The following RUNX1T1 variants were observed in gnomAD, a reference collection of about 807,000 sequenced individuals.
RUNX1T1 encodes the protein RUNX1 partner transcriptional co-repressor 1.
RUNX1T1 carries 4 observed loss-of-function variants against 62.8 expected under a neutral mutation model. That is an observed-to-expected ratio of 0.06 (90% confidence interval 0.03 to 0.15). RUNX1T1 has a LOEUF of 0.15. RUNX1T1 is among the 10% of genes least tolerant of loss of function. RUNX1T1 has a pLI of 1.00. For missense variants in RUNX1T1, 508 were observed against 754.3 expected (o/e 0.67, Z 3.82); for synonymous variants, 291 against 286.0 (o/e 1.02, Z -0.18).
intron 1 of RUNX1T1, among the ~76,000 whole-genome samples, chr8:92,045,026 T>C (rs1829145498): frequency 1.3e-5 from 2 of 150,438 alleles, no homozygotes; most frequent in Non-Finnish European, 1.5e-5. Context: ...AAGCCAAGAG[T>C]TCGAGACCAG....
intron 1 of RUNX1T1, among the ~76,000 whole-genome samples, chr8:92,091,149 T>C (rs188164193): frequency 1.3e-5 from 2 of 152,274 alleles, no homozygotes; most frequent in East Asian, 3.9e-4. Context: ...AACTTCACAT[T>C]TGTGCCCTCT....
intron 2 of RUNX1T1, among the ~76,000 whole-genome samples, chr8:92,015,892 T>C (rs1011129294): frequency 2.6e-5 from 4 of 152,200 alleles, no homozygotes; most frequent in Non-Finnish European, 5.9e-5. Flanking sequence ...GACATATGCT[T>C]ACCCCTGTGG....
chr8:91,961,819 T>C (rs942982789), intron 10 of RUNX1T1, among the ~76,000 whole-genome samples: 5 of 152,234 alleles, frequency 3.3e-5, no homozygotes, highest in Admixed American at 3.3e-4. Flanking sequence ...TTGGTTTTGA[T>C]TATGTCCTTG....
At chr8:91,959,933 C>A in exon 11 of RUNX1T1, 2 of 397,636 alleles carry the variant, frequency 5.0e-6, no homozygotes, top group Non-Finnish European at 9.2e-6. Flanking sequence ...GTTTAAAATC[C>A]CAGCTACTTG....
In RUNX1T1 at chr8:91,977,667, T is replaced by C. The variant is rs532487366; in HGVS notation, c.1199-1694A>G. Among the ~76,000 whole-genome samples, 7 of 152,316 alleles carry C rather than the reference T, an allele frequency of 4.6e-5. 1 individual carries two copies. Among genetic ancestry groups the C allele is most frequent in the Admixed American group, 4.6e-4 (7 of 15,292 alleles). ...AAGACTTGGATTTAAGCATAATTTA[T>C]TGGATAAGAATAAGAACAGATCTGT... On this transcript the variant is annotated intron_variant, in intron 8 of 10. Coordinates refer to ENST00000396218, the Ensembl canonical transcript of RUNX1T1.
intron 1 of RUNX1T1, among the ~76,000 whole-genome samples, chr8:92,049,916 G>T (rs951107943): frequency 2.6e-5 from 4 of 151,982 alleles, no homozygotes; most frequent in Admixed American, 6.6e-5. Context: ...GTCCATTACG[G>T]TATATTTAAA....
intron 9 of RUNX1T1, among the ~76,000 whole-genome samples, chr8:91,973,381 A>G (rs1244175714): frequency 6.6e-6 from 1 of 151,944 alleles, no homozygotes; most frequent in East Asian, 1.9e-4. Flanking sequence ...ACTTTCCTGC[A>G]TGTTTGAAAT....
intron 8 of RUNX1T1, among the ~76,000 whole-genome samples, chr8:91,983,605 A>C (rs1204807803): frequency 2.6e-5 from 4 of 152,206 alleles, no homozygotes; most frequent in Non-Finnish European, 4.4e-5. Flanking sequence ...GGAGATCTAA[A>C]TGTATATAAA....
chr8:91,956,045 T>A (rs1017239243), downstream of RUNX1T1: 11 of 230,324 alleles, frequency 4.8e-5, no homozygotes, highest in Non-Finnish European at 9.5e-5. Flanking sequence ...TCAGCTGATC[T>A]GCCATTCGGG....
chr8:92,001,816 C>T (rs1157920153), intron 5 of RUNX1T1, among the ~76,000 whole-genome samples: 1 of 152,172 alleles, frequency 6.6e-6, no homozygotes, highest in Non-Finnish European at 1.5e-5. Context: ...AGAAAGACAG[C>T]AATGATAATC....
intron 1 of RUNX1T1, among the ~76,000 whole-genome samples, chr8:92,024,353 A>C (rs1202927803): frequency 6.6e-6 from 1 of 152,114 alleles, no homozygotes. Context: ...TACAAAAAAT[A>C]CAAAAATTAG....
At chr8:92,045,875 A>T (rs1172875448) in intron 1 of RUNX1T1, among the ~76,000 whole-genome samples, 1 of 152,242 alleles carries the variant, frequency 6.6e-6, no homozygotes, top group Non-Finnish European at 1.5e-5. Flanking sequence ...ACTAAAACTC[A>T]AAAGTTATAC....
intron 1 of RUNX1T1, among the ~76,000 whole-genome samples, chr8:92,028,583 G>A (rs1030783762): frequency 6.6e-6 from 1 of 152,114 alleles, no homozygotes; most frequent in African/African-American, 2.4e-5. Context: ...CTAGTTCCAG[G>A]TTAATCTGAC....
chr8:92,023,092 T>C (rs1824430144), intron 1 of RUNX1T1, among the ~76,000 whole-genome samples: 1 of 152,132 alleles, frequency 6.6e-6, no homozygotes, highest in Non-Finnish European at 1.5e-5. Context: ...TTCTGGACAA[T>C]GGGCCATGAA....
At chr8:91,977,573 A>G (rs1346816484) in intron 8 of RUNX1T1, among the ~76,000 whole-genome samples, 1 of 152,204 alleles carries the variant, frequency 6.6e-6, no homozygotes, top group Non-Finnish European at 1.5e-5. Flanking sequence ...TCAAGTTCAT[A>G]TTTAGCCATG....
At chr8:92,019,738 T>C (rs1419632020) in intron 1 of RUNX1T1, among the ~76,000 whole-genome samples, 1 of 152,238 alleles carries the variant, frequency 6.6e-6, no homozygotes, top group Non-Finnish European at 1.5e-5. Flanking sequence ...AAGTTTGTAT[T>C]TAAGATAATC....
intron 1 of RUNX1T1, chr8:92,017,591 C>T: frequency 7.1e-7 from 1 of 1,400,078 alleles, no homozygotes. Flanking sequence ...ATATTATATC[C>T]TATTGTTATT....
intron 10 of RUNX1T1, among the ~76,000 whole-genome samples, chr8:91,970,008 T>C (rs1251464147): frequency 7.0e-6 from 1 of 141,956 alleles, no homozygotes; most frequent in South Asian, 2.2e-4. Flanking sequence ...CTTTGAGCCA[T>C]TTAGGCTAGC....
intron 1 of RUNX1T1, among the ~76,000 whole-genome samples, chr8:92,034,703 CATAT>C (rs1395907262): frequency 6.7e-5 from 10 of 148,288 alleles, no homozygotes; most frequent in Non-Finnish European, 1.3e-4. Flanking sequence ...TACATGTATA[CATAT>C]ATATACACAT....
Sources: allele counts gnomAD v4.1 joint callset (sites outside exome capture counted in the v4.1 genomes callset), GRCh38; gene constraint gnomAD v4.1.1; transcripts MANE v1.5; gene names NCBI Gene and HGNC (gene_info 2026-07-23, HGNC 2026-07-21).